SLC28A1: variants seen among roughly 807,000 people sequenced by gnomAD.
SLC28A1 encodes the protein sodium/nucleoside cotransporter 1.
Under a neutral mutation model 74.8 loss-of-function variants are expected in SLC28A1, and 64 were observed. The observed-to-expected ratio is 0.86, with a 90% CI of 0.70 to 1.05. SLC28A1 has a LOEUF of 1.05. SLC28A1 is among the 50% of genes least tolerant of loss of function. The pLI is 0.00. For synonymous variants in SLC28A1, 359 were observed against 335.0 expected (o/e 1.07, Z -0.78); for missense variants, 828 against 822.8 (o/e 1.01, Z -0.08).
intron 6 of SLC28A1, among the ~76,000 whole-genome samples, chr15:84,902,434 C>G (rs1355877808): frequency 6.6e-6 from 1 of 150,926 alleles, no homozygotes; most frequent in South Asian, 2.1e-4. Context: ...GAGCCGAGAT[C>G]GTGCCACTGC....
the SLC28A1 span, among the ~76,000 whole-genome samples, chr15:84,967,084 C>A: frequency 0.064 from 9,692 of 152,180 alleles, 329 homozygotes; most frequent in African/African-American, 0.078. Context: ...CCCAGCCCTT[C>A]TATGTCATTT....
chr15:84,886,423 A>T (rs1224851412), intron 1 of SLC28A1: 18 of 985,324 alleles, frequency 1.8e-5, no homozygotes, highest in Admixed American at 6.1e-5. Context: ...TTCCTGGAAG[A>T]AGCGGCCCTA....
At chr15:84,964,916 G>C in the SLC28A1 span, among the ~76,000 whole-genome samples, 1 of 152,228 alleles carries the variant, frequency 6.6e-6, no homozygotes, top group Non-Finnish European at 1.5e-5. Context: ...CAACATAGGA[G>C]CAGGAGGGAA....
the SLC28A1 span, among the ~76,000 whole-genome samples, chr15:84,953,844 C>T: frequency 6.6e-6 from 1 of 152,162 alleles, no homozygotes; most frequent in Non-Finnish European, 1.5e-5. Context: ...CTTTTGGTTG[C>T]AAATGACAGA....
intron 6 of SLC28A1, among the ~76,000 whole-genome samples, chr15:84,902,335 C>T (rs1966763308): frequency 1.3e-5 from 2 of 152,082 alleles, no homozygotes; most frequent in Non-Finnish European, 2.9e-5. Flanking sequence ...CAAAAATTAG[C>T]TGGGCATGGG....
At chr15:84,975,586 G>C in the SLC28A1 span, 1 of 455,416 alleles carries the variant, frequency 2.2e-6, no homozygotes, top group South Asian at 1.6e-5. Context: ...GAGGCTCTCA[G>C]CTGGAAATAA....
chr15:84,913,305 C>T (rs1247552314), intron 9 of SLC28A1, among the ~76,000 whole-genome samples: 3 of 152,190 alleles, frequency 2.0e-5, no homozygotes, highest in African/African-American at 7.2e-5. Context: ...GGTCTGGAGA[C>T]ATGAGGGTTT....
chr15:84,889,718 TTCCTTCC>T, intron 4 of SLC28A1, among the ~76,000 whole-genome samples: 1 of 42,644 alleles, frequency 2.3e-5, no homozygotes, highest in Non-Finnish European at 6.5e-5. Context: ...CTTTCCTTCC[TTCCTTCC>T]TTCCTTCCTT....
intron 5 of SLC28A1, among the ~76,000 whole-genome samples, chr15:84,893,512 C>T (rs765103469): frequency 1.3e-5 from 2 of 152,254 alleles, no homozygotes; most frequent in Non-Finnish European, 1.5e-5. Context: ...CAGTGAGTGA[C>T]GGGAACTCAA....
chr15:84,950,073 G>A (rs1426390404), downstream of SLC28A1, among the ~76,000 whole-genome samples: 2 of 152,176 alleles, frequency 1.3e-5, no homozygotes, highest in African/African-American at 2.4e-5. Flanking sequence ...CAGGGATGGG[G>A]AGGCAGCACA....
chr15:84,959,048 C>A, the SLC28A1 span, among the ~76,000 whole-genome samples: 1 of 146,114 alleles, frequency 6.8e-6, no homozygotes, highest in Admixed American at 6.9e-5. Context: ...TGCAGTGAGC[C>A]GAGATTGCGC....
rs768967220 is a variant in SLC28A1 at position 84,944,682 on chromosome 15, AG to A, written c.1762+20del. On this transcript the variant is annotated intron_variant, in intron 17 of 18. Coordinates refer to ENST00000394573, the MANE Select transcript of SLC28A1 (RefSeq NM_004213.5). ...TATGGCAGGTGAGTGCAGGCCTGGC[AG>A]GCTCAGAAGGTGGAACCCTGACTTT... The A allele has an allele frequency of 1.9e-6, 3 of 1,609,362 alleles. No individual in the cohort carries two copies. Among genetic ancestry groups the A allele is most frequent in the Non-Finnish European group, 2.6e-6 (3 of 1,175,802 alleles).
intron 15 of SLC28A1, 72 bp downstream of exon 15, chr15:84,935,590 C>A: frequency 7.5e-7 from 1 of 1,340,846 alleles, no homozygotes; most frequent in Non-Finnish European, 1.1e-6. Flanking sequence ...CCCCTGGCAG[C>A]TGCTCTCCCG....
At chr15:84,947,367 C>G (rs554608754), downstream of SLC28A1, among the ~76,000 whole-genome samples, 2 of 152,320 alleles carry the variant, frequency 1.3e-5, no homozygotes, top group South Asian at 4.1e-4. Context: ...GGCCTCAGCT[C>G]CACTAGCTGG....
In SLC28A1 at chr15:84,887,872, C is replaced by G; in HGVS notation, c.96+16C>G. 1 of 1,580,964 alleles carries G rather than the reference C, an allele frequency of 6.3e-7. No individual in the cohort carries two copies. Among genetic ancestry groups the G allele is most frequent in the Non-Finnish European group, 8.7e-7 (1 of 1,149,752 alleles). On this transcript the variant is annotated intron_variant, in intron 3 of 18. Coordinates refer to ENST00000394573, the MANE Select transcript of SLC28A1 (RefSeq NM_004213.5). ...GGAAAGCCTGGTCTGTACCCTTCCC[C>G]ATCAGTCATCCTGACCCCTCAGCCT...
the SLC28A1 span, among the ~76,000 whole-genome samples, chr15:84,960,253 TTTTTTTTTTTTTTTTTTTTTG>T: frequency 6.1e-5 from 2 of 32,778 alleles, no homozygotes; most frequent in African/African-American, 1.2e-4. Flanking sequence ...TTTTTTTTTT[TTTTTTTTTTTTTTTTTTTTTG>T]AGACAAGGTC....
At chr15:84,934,985 G>A (rs996709679) in intron 13 of SLC28A1, 41 bp from the exon 14 acceptor site, 8 of 1,583,338 alleles carry the variant, frequency 5.1e-6, no homozygotes, top group South Asian at 1.1e-5. Context: ...TGCTGGTTGT[G>A]GAGACAGGCC....
intron 9 of SLC28A1, 97 bp downstream of exon 9, chr15:84,908,892 G>A: frequency 3.0e-6 from 3 of 1,002,282 alleles, no homozygotes; most frequent in Non-Finnish European, 4.7e-6. Context: ...CAGGTGGAGG[G>A]GAGGAGTCCT....
chr15:84,970,827 A>G, the SLC28A1 span, among the ~76,000 whole-genome samples: 1 of 144,204 alleles, frequency 6.9e-6, no homozygotes, highest in Non-Finnish European at 1.5e-5. Context: ...GTGAGACCTC[A>G]TATCTACAAA....
Sources: gnomAD v4.1 joint callset for allele counts (sites outside exome capture counted in the v4.1 genomes callset) on GRCh38, gnomAD v4.1.1 for gene constraint, MANE v1.5 for transcripts, NCBI Gene and HGNC (gene_info 2026-07-23, HGNC 2026-07-21) for gene names.